CRACD: variants seen among roughly 807,000 people sequenced by gnomAD.
CRACD encodes capping protein inhibiting regulator of actin dynamics, also known as capping protein-inhibiting regulator of actin dynamics.
CRACD carries 56 observed loss-of-function variants against 106.8 expected under a neutral mutation model. The observed-to-expected ratio is 0.52, with a 90% CI of 0.42 to 0.66. The LOEUF (loss-of-function observed/expected upper bound fraction) is 0.66, where lower values mean the gene tolerates loss of function less well. Among genes scored for constraint, CRACD ranks in the 30% least tolerant of loss-of-function variants. The pLI, the probability that CRACD is intolerant of heterozygous loss-of-function variation, is 0.00. For missense variants in CRACD, 1,730 were observed against 1,623.2 expected, an observed-to-expected ratio of 1.07 and a Z score of -1.13; for synonymous variants, 754 against 670.8, an observed-to-expected ratio of 1.12 and a Z score of -1.92.
chr4:56,245,732 T>C (rs1740643651), intron 2 of CRACD, among the ~76,000 whole-genome samples: 1 of 152,206 alleles, frequency 6.6e-6, no homozygotes, highest in African/African-American at 2.4e-5. Context: ...AAGAGCAGAA[T>C]ACCTAATGGT....
chr4:56,321,826 A>C (rs1259823739), intron 8 of CRACD, among the ~76,000 whole-genome samples: 1 of 152,224 alleles, frequency 6.6e-6, no homozygotes, highest in East Asian at 1.9e-4. Flanking sequence ...GCAGTGCCCC[A>C]GGCTCATTAT....
At chr4:56,068,953 A>G (rs1371374581) in intron 1 of CRACD, among the ~76,000 whole-genome samples, 5 of 152,166 alleles carry the variant, frequency 3.3e-5, no homozygotes, top group African/African-American at 1.2e-4. Flanking sequence ...CTGGATTTAT[A>G]GTGAGCCCTA....
At chr4:56,112,131 G>A (rs537639517) in intron 1 of CRACD, among the ~76,000 whole-genome samples, 8 of 152,278 alleles carry the variant, frequency 5.3e-5, no homozygotes, top group African/African-American at 1.9e-4. Flanking sequence ...GTCAGGCATG[G>A]TGGTTGCTGG....
chr4:56,059,504 A>G (rs1732197838), intron 1 of CRACD, among the ~76,000 whole-genome samples: 1 of 152,166 alleles, frequency 6.6e-6, no homozygotes, highest in African/African-American at 2.4e-5. Flanking sequence ...TTCCATTTCC[A>G]TCCACATTCC....
intron 3 of CRACD, among the ~76,000 whole-genome samples, chr4:56,296,736 T>C (rs920142555): frequency 2.5e-4 from 38 of 152,170 alleles, no homozygotes; most frequent in Non-Finnish European, 4.7e-4. Context: ...TTGCCTGGCA[T>C]TGTGGCAATG....
chr4:56,281,658 T>C (rs1463623267), intron 3 of CRACD, among the ~76,000 whole-genome samples: 1 of 152,174 alleles, frequency 6.6e-6, no homozygotes, highest in Non-Finnish European at 1.5e-5. Flanking sequence ...TGACTACTAT[T>C]TCCAGAGCAT....
chr4:56,135,178 C>T (rs1473015655), intron 1 of CRACD, among the ~76,000 whole-genome samples: 5 of 152,134 alleles, frequency 3.3e-5, no homozygotes, highest in Non-Finnish European at 2.9e-5. Context: ...CCCAGCTACT[C>T]AGGAGGCTGA....
intron 1 of CRACD, among the ~76,000 whole-genome samples, chr4:56,100,289 C>T (rs1733737974): frequency 6.6e-6 from 1 of 152,162 alleles, no homozygotes; most frequent in African/African-American, 2.4e-5. Context: ...TTAATTTCAA[C>T]ATCAGAAAGA....
chr4:56,323,941 C>T (rs937610173), intron 9 of CRACD, among the ~76,000 whole-genome samples, 163 bp from the exon 10 acceptor site: 1 of 152,224 alleles, frequency 6.6e-6, no homozygotes. Flanking sequence ...GCCCCCTCAC[C>T]GGAAGCCGTG....
intron 1 of CRACD, among the ~76,000 whole-genome samples, chr4:56,124,936 C>A (rs1307924505): frequency 6.6e-6 from 1 of 152,116 alleles, no homozygotes; most frequent in Admixed American, 6.5e-5. Context: ...ATGTGAGGAC[C>A]TTTTTCTGTG....
chr4:56,161,735 C>T (rs964056401), intron 1 of CRACD, among the ~76,000 whole-genome samples: 9 of 147,956 alleles, frequency 6.1e-5, no homozygotes. Flanking sequence ...GCTGGGATTA[C>T]AGGCATGAGC....
intron 2 of CRACD, among the ~76,000 whole-genome samples, chr4:56,195,589 T>C (rs920102287): frequency 6.6e-6 from 1 of 152,206 alleles, no homozygotes; most frequent in African/African-American, 2.4e-5. Context: ...AAAATGGAAA[T>C]GTTTCATAAC....
At chr4:56,195,829 A>C (rs571856671) in intron 2 of CRACD, among the ~76,000 whole-genome samples, 2 of 152,220 alleles carry the variant, frequency 1.3e-5, no homozygotes, top group African/African-American at 4.8e-5. Context: ...TATGATGAGA[A>C]ATTATACTGT....
At chr4:56,225,551 T>C (rs1182850456) in intron 2 of CRACD, among the ~76,000 whole-genome samples, 2 of 152,208 alleles carry the variant, frequency 1.3e-5, no homozygotes, top group East Asian at 3.8e-4. Flanking sequence ...TCATCTTCTA[T>C]TTCTCTTCCA....
chr4:56,272,557 AG>A (rs1412400377), intron 3 of CRACD, 65 bp downstream of exon 3: 1 of 152,480 alleles, frequency 6.6e-6, no homozygotes, highest in African/African-American at 2.4e-5. Flanking sequence ...GGGATCCCAA[AG>A]GAAGTAGGTG....
At chr4:56,159,379 G>A (rs1411076719) in intron 1 of CRACD, among the ~76,000 whole-genome samples, 2 of 152,200 alleles carry the variant, frequency 1.3e-5, no homozygotes, top group South Asian at 2.1e-4. Flanking sequence ...AGCTGGACGC[G>A]GTGGCTCACG....
chr4:56,123,937 T>C (rs1368277841), intron 1 of CRACD, among the ~76,000 whole-genome samples: 2 of 123,176 alleles, frequency 1.6e-5, no homozygotes, highest in Non-Finnish European at 3.3e-5. Flanking sequence ...GGCTTCCTTA[T>C]TTTAAAATCA....
intron 1 of CRACD, among the ~76,000 whole-genome samples, chr4:56,078,797 G>C (rs1043503135): frequency 1.3e-5 from 2 of 152,162 alleles, no homozygotes; most frequent in Non-Finnish European, 2.9e-5. Context: ...ATCAGGATAT[G>C]CCTGGTGGGG....
At position 56,197,924 on chromosome 4, in the gene CRACD, G is replaced by A. The variant is rs573905494; in HGVS notation, c.-189+18494G>A. Among the ~76,000 whole-genome samples the A allele has an allele frequency of 1.5e-4, 23 of 152,158 alleles. No homozygotes were observed. In the East Asian group the frequency reaches 3.1e-3, roughly 20 times the overall value. On this transcript the variant is annotated intron_variant, in intron 2 of 10. Transcript: ENST00000682029. Reference sequence around the variant, plus strand: ...GATCTCCTGACCTTCTGATCCGCCCGCCTCGGCCTCCCAAAATGCTGGAAT... The same window carrying A: ...GATCTCCTGACCTTCTGATCCGCCCACCTCGGCCTCCCAAAATGCTGGAAT...
Sources: allele counts gnomAD v4.1 joint callset (sites outside exome capture counted in the v4.1 genomes callset), GRCh38; gene constraint gnomAD v4.1.1; transcripts MANE v1.5; gene names NCBI Gene and HGNC (gene_info 2026-07-23, HGNC 2026-07-21).